ZNF407: variants seen among roughly 807,000 people sequenced by gnomAD.
ZNF407 encodes the protein zinc finger protein 407.
A neutral mutation model predicts 131.2 loss-of-function variants in ZNF407; 17 were observed. The observed-to-expected ratio is 0.13, with a 90% CI of 0.09 to 0.19. The LOEUF (loss-of-function observed/expected upper bound fraction) is 0.19, where lower values mean the gene tolerates loss of function less well. Among genes scored for constraint, ZNF407 ranks in the 10% least tolerant of loss-of-function variants. The probability of loss-of-function intolerance (pLI) is 1.00; values close to 1 mark genes in which losing one functional copy is unlikely to be tolerated. For synonymous variants in ZNF407, 1,156 were observed against 1,062.0 expected, an observed-to-expected ratio of 1.09 and a Z score of -1.72; for missense variants, 2,681 against 2,830.6, an observed-to-expected ratio of 0.95 and a Z score of 1.20.
chr18:74,725,429 C>G (rs184296875), intron 3 of ZNF407, among the ~76,000 whole-genome samples: 4 of 152,144 alleles, frequency 2.6e-5, no homozygotes, highest in Non-Finnish European at 5.9e-5. Flanking sequence ...AAATTAAAAA[C>G]TATTTTTATG....
At chr18:74,821,656 T>A (rs756667485) in intron 4 of ZNF407, among the ~76,000 whole-genome samples, 10 of 152,204 alleles carry the variant, frequency 6.6e-5, no homozygotes, top group African/African-American at 1.4e-4. Context: ...ACATTTTCTT[T>A]ATCCAGTCTA....
intron 3 of ZNF407, among the ~76,000 whole-genome samples, chr18:74,755,298 A>G (rs1390937439): frequency 6.6e-6 from 1 of 151,716 alleles, no homozygotes; most frequent in Non-Finnish European, 1.5e-5. Context: ...TTCTTTGTCC[A>G]GTTTGCCCGT....
At chr18:74,888,343 A>T (rs1197972698) in intron 6 of ZNF407, among the ~76,000 whole-genome samples, 1 of 152,110 alleles carries the variant, frequency 6.6e-6, no homozygotes, top group Non-Finnish European at 1.5e-5. Flanking sequence ...AGCCATATTT[A>T]AAAAAAGAAA....
intron 2 of ZNF407, among the ~76,000 whole-genome samples, chr18:74,636,269 A>G (rs1568138624): frequency 6.6e-6 from 1 of 152,148 alleles, no homozygotes; most frequent in African/African-American, 2.4e-5. Flanking sequence ...GTAGCACCTG[A>G]TTTAGTCTCT....
At chr18:74,853,473 C>T (rs1262554348) in intron 4 of ZNF407, among the ~76,000 whole-genome samples, 1 of 152,108 alleles carries the variant, frequency 6.6e-6, no homozygotes, top group African/African-American at 2.4e-5. Flanking sequence ...GAGATTGGGG[C>T]CAGAGTTGTC....
In ZNF407 at chr18:74,635,256, C is replaced by G; in HGVS notation, c.4237C>G (p.Arg1413Gly). The stretch of plus-strand genomic sequence containing the variant: ...GGGCAGTTCCATTGGTGAGTCTACA[C>G]GAATTCGCTGTGATGATTGTGGCTT... ...SEGSSIGESTRIRCDDCGFLA... is the reference protein window; with the variant it reads ...SEGSSIGESTGIRCDDCGFLA... The change falls in exon 2 of 9, where the codon CGA becomes GGA. Residue 1413 changes from arginine to glycine, a missense_variant. By Grantham distance (125) the Arg-to-Gly change is moderately radical (BLOSUM62 -2). This residue lies in a region of ZNF407 where 1,789 missense variants were observed against 1,748.7 expected (regional missense o/e 1.02). Coordinates refer to ENST00000299687, the MANE Select transcript of ZNF407 (RefSeq NM_017757.3). This position sits in a 1 kb window ranked among gnomAD's most constrained non-coding sequence, Gnocchi z 4.7. 1 of 1,613,980 alleles carries G rather than the reference C, an allele frequency of 6.2e-7. No individual in the cohort carries two copies. The highest frequency in any genetic ancestry group is 8.5e-7 in the Non-Finnish European group (1 of 1,179,884).
At chr18:74,769,669 G>A (rs988879091) in intron 3 of ZNF407, among the ~76,000 whole-genome samples, 45 of 152,234 alleles carry the variant, frequency 3.0e-4, no homozygotes, top group African/African-American at 1.0e-3. Context: ...ACTTAACCAA[G>A]GCCATGTTGG....
At chr18:74,757,190 CT>C (rs1219329025) in intron 3 of ZNF407, among the ~76,000 whole-genome samples, 5 of 151,804 alleles carry the variant, frequency 3.3e-5, no homozygotes, top group Non-Finnish European at 4.4e-5. Flanking sequence ...GATTTGAGAT[CT>C]TTTATTCGTT....
rs575846352 is a variant in ZNF407 at position 74,811,014 on chromosome 18, A to G, written c.4877+29512A>G. 2.6e-5 allele frequency among the ~76,000 whole-genome samples: 4 copies of G among 152,336 alleles called. No individual in the cohort carries two copies. In the South Asian group the frequency reaches 8.3e-4, roughly 32 times the overall value. Reference sequence around the variant, plus strand: ...CAAAACACCAAAAACAAAAGCCAAAATTGACAAATGGGATCTAATTAAACT... The same window carrying G: ...CAAAACACCAAAAACAAAAGCCAAAGTTGACAAATGGGATCTAATTAAACT... On this transcript the variant is annotated intron_variant, in intron 4 of 8. Coordinates refer to ENST00000299687, the MANE Select transcript of ZNF407 (RefSeq NM_017757.3).
intron 4 of ZNF407, among the ~76,000 whole-genome samples, chr18:74,828,177 T>C (rs572177581): frequency 6.6e-6 from 1 of 152,296 alleles, no homozygotes; most frequent in Admixed American, 6.5e-5. Flanking sequence ...CAGAGTGAGA[T>C]TCTTAATACA....
At position 74,641,007 on chromosome 18, in the gene ZNF407, G is replaced by A; in HGVS notation, c.4688-1G>A. On this transcript the variant is annotated splice_acceptor_variant, in intron 2 of 8. Coordinates refer to ENST00000299687, the MANE Select transcript of ZNF407 (RefSeq NM_017757.3). LOFTEE classifies it high-confidence loss of function. ...TCATATTTTATGTTAAATTTACTCA[G>A]GATCAAAACCATTCAAGTGCAAGAT... 6.2e-7 allele frequency: 1 copy of A among 1,609,870 alleles called. No individual in the cohort carries two copies. The highest frequency in any genetic ancestry group is 8.5e-7 in the Non-Finnish European group (1 of 1,176,342).
chr18:74,796,568 T>C (rs1969923947), intron 4 of ZNF407, among the ~76,000 whole-genome samples: 1 of 152,184 alleles, frequency 6.6e-6, no homozygotes, highest in Non-Finnish European at 1.5e-5. Context: ...ATTGTCATCT[T>C]TTCTCCTAAT....
intron 1 of ZNF407, among the ~76,000 whole-genome samples, chr18:74,627,835 C>CGCCCT (rs1983864296): frequency 8.3e-6 from 1 of 119,968 alleles, no homozygotes; most frequent in Non-Finnish European, 1.7e-5. Context: ...TGCCCTGCCC[C>CGCCCT]GCCCCACCCC....
At chr18:75,033,083 C>T (rs539525116) in intron 8 of ZNF407, among the ~76,000 whole-genome samples, 75 of 117,990 alleles carry the variant, frequency 6.4e-4, no homozygotes, top group Middle Eastern at 6.0e-3. Flanking sequence ...ACTAAGAGTG[C>T]TCGGAATGGG....
chr18:74,614,075 C>A (rs1463690896), intron 1 of ZNF407, among the ~76,000 whole-genome samples: 1 of 152,068 alleles, frequency 6.6e-6, no homozygotes, highest in Non-Finnish European at 1.5e-5. Flanking sequence ...ATTATTGGAT[C>A]ACTTATAAAA....
In ZNF407 at chr18:74,686,914, T is replaced by C. The variant is rs150364732; in HGVS notation, c.4802+45792T>C. Among the ~76,000 whole-genome samples, 795 of 152,348 alleles carry C rather than the reference T, an allele frequency of 5.2e-3. 9 individuals are homozygous for C. Among genetic ancestry groups the C allele is most frequent in the East Asian group, 0.05 (257 of 5,190 alleles). On this transcript the variant is annotated intron_variant, in intron 3 of 8. Coordinates refer to ENST00000299687, the MANE Select transcript of ZNF407 (RefSeq NM_017757.3). ...ACATAAATGTGTAAAATGCTTCATTTAACAAATAATTATTGAGCACGTATT... is the reference window on the plus strand; with the variant it reads ...ACATAAATGTGTAAAATGCTTCATTCAACAAATAATTATTGAGCACGTATT...
chr18:75,039,108 C>G (rs770847666), intron 8 of ZNF407, among the ~76,000 whole-genome samples: 11 of 152,238 alleles, frequency 7.2e-5, no homozygotes, highest in Non-Finnish European at 4.4e-5. Context: ...ATTAAGCAGG[C>G]TTACCTTCAC....
intron 8 of ZNF407, among the ~76,000 whole-genome samples, chr18:75,038,308 G>T (rs1332087944): frequency 1.3e-5 from 2 of 152,230 alleles, no homozygotes; most frequent in Non-Finnish European, 2.9e-5. Context: ...AACCAACAAA[G>T]CAGAAACTTC....
At chr18:75,039,388 A>G (rs1295294280) in intron 8 of ZNF407, among the ~76,000 whole-genome samples, 1 of 152,124 alleles carries the variant, frequency 6.6e-6, no homozygotes, top group African/African-American at 2.4e-5. Flanking sequence ...GGATCCTTCA[A>G]AGGAAGACTG....
Sources: gnomAD v4.1 joint callset for allele counts (sites outside exome capture counted in the v4.1 genomes callset) on GRCh38, gnomAD v4.1.1 for gene constraint, gnomAD v4.1.1 regional missense constraint, Gnocchi (gnomAD v3.1) non-coding constraint, MANE v1.5 for transcripts, NCBI Gene and HGNC (gene_info 2026-07-23, HGNC 2026-07-21) for gene names.